Variants in CALN1 observed in about 807,000 individuals in gnomAD.
The protein encoded by CALN1 is calneuron 1.
Under a neutral mutation model 30.6 loss-of-function variants are expected in CALN1, and 17 were observed. The ratio of observed to expected loss-of-function variants is 0.56; its 90% CI spans 0.38 to 0.83. The LOEUF (loss-of-function observed/expected upper bound fraction) is 0.83, where lower values mean the gene tolerates loss of function less well. Ranked by LOEUF, CALN1 falls within the 40% of genes least tolerant of loss-of-function variation. CALN1 has a pLI of 0.00. For synonymous variants in CALN1, 156 were observed against 131.4 expected (o/e 1.19, Z -1.28); for missense variants, 291 against 354.9 (o/e 0.82, Z 1.45).
chr7:72,160,281 GT>G (rs34825420), intron 3 of CALN1, among the ~76,000 whole-genome samples: 2,898 of 146,754 alleles, frequency 0.02, 54 homozygotes, highest in African/African-American at 0.056. Flanking sequence ...TTTCTTTTTA[GT>G]TTTTTTTTTT....
intron 5 of CALN1, among the ~76,000 whole-genome samples, chr7:72,000,724 AAAAC>A (rs143379681): frequency 0.042 from 6,400 of 152,202 alleles, 419 homozygotes; most frequent in African/African-American, 0.14. Flanking sequence ...CAGACAGCAC[AAAAC>A]AAACAAACAA....
At chr7:72,166,481 A>G in intron 3 of CALN1, among the ~76,000 whole-genome samples, 1 of 152,156 alleles carries the variant, frequency 6.6e-6, no homozygotes, top group Non-Finnish European at 1.5e-5. Flanking sequence ...ATGAGCCAAC[A>G]CACCAAGGTG....
intron 5 of CALN1, among the ~76,000 whole-genome samples, chr7:71,922,620 A>ATT (rs1262230310): frequency 7.2e-6 from 1 of 139,108 alleles, no homozygotes; most frequent in Non-Finnish European, 1.5e-5. Context: ...CACAGAATAT[A>ATT]TTATATATAA....
intron 5 of CALN1, among the ~76,000 whole-genome samples, chr7:71,887,937 G>A (rs1793010531): frequency 6.6e-6 from 1 of 152,212 alleles, no homozygotes; most frequent in African/African-American, 2.4e-5. Flanking sequence ...TGGAGGGCAT[G>A]ATTCGTTCAA....
chr7:72,371,911 C>T (rs559373744), intron 2 of CALN1, among the ~76,000 whole-genome samples: 24 of 152,234 alleles, frequency 1.6e-4, no homozygotes, highest in Non-Finnish European at 2.6e-4. Context: ...AGCAGCTATT[C>T]GAGAACTCTG....
intron 3 of CALN1, among the ~76,000 whole-genome samples, chr7:72,170,097 C>G (rs1420998473): frequency 2.6e-5 from 4 of 152,210 alleles, no homozygotes; most frequent in African/African-American, 4.8e-5. Context: ...CACCTAGGCT[C>G]AAGCAATCCT....
intron 5 of CALN1, among the ~76,000 whole-genome samples, chr7:71,987,120 C>T (rs1299126926): frequency 8.0e-5 from 12 of 149,680 alleles, no homozygotes; most frequent in East Asian, 5.9e-4. Context: ...AGCGAAGCTT[C>T]GTGTCAAAAA....
intron 4 of CALN1, among the ~76,000 whole-genome samples, chr7:72,067,329 C>A (rs1804091753): frequency 6.6e-6 from 1 of 152,154 alleles, no homozygotes; most frequent in Admixed American, 6.5e-5. Flanking sequence ...GCAGCCTCCA[C>A]CTTCCAGGCT....
intron 5 of CALN1, among the ~76,000 whole-genome samples, chr7:71,888,344 C>A (rs1251631068): frequency 6.6e-6 from 1 of 151,326 alleles, no homozygotes; most frequent in Non-Finnish European, 1.5e-5. Context: ...GACTGCAGAA[C>A]TCTATGAATA....
At chr7:72,004,170 G>C (rs1354342959) in intron 5 of CALN1, among the ~76,000 whole-genome samples, 2 of 152,114 alleles carry the variant, frequency 1.3e-5, no homozygotes, top group Non-Finnish European at 2.9e-5. Context: ...GTGTAGAATT[G>C]GCAGCAGGAC....
chr7:71,961,300 G>A (rs1441546715), intron 5 of CALN1, among the ~76,000 whole-genome samples: 5 of 152,118 alleles, frequency 3.3e-5, no homozygotes, highest in African/African-American at 7.2e-5. Context: ...GAATCAAACC[G>A]AGCTTACATC....
intron 2 of CALN1, among the ~76,000 whole-genome samples, chr7:72,294,033 G>C (rs1798674794): frequency 6.6e-6 from 1 of 152,050 alleles, no homozygotes. Context: ...GGGAGGTGGA[G>C]GCTGTGGTGA....
At chr7:72,349,444 A>G (rs185254836) in intron 2 of CALN1, among the ~76,000 whole-genome samples, 1 of 152,258 alleles carries the variant, frequency 6.6e-6, no homozygotes, top group Admixed American at 6.5e-5. Flanking sequence ...TAAATACAAA[A>G]AATGCACACC....
chr7:72,286,946 G>T (rs1448669192), intron 2 of CALN1, among the ~76,000 whole-genome samples: 1 of 152,120 alleles, frequency 6.6e-6, no homozygotes, highest in Non-Finnish European at 1.5e-5. Flanking sequence ...GAGATATCAA[G>T]ACAAAAAGAA....
At chr7:71,942,103 C>T (rs1796162913) in intron 5 of CALN1, among the ~76,000 whole-genome samples, 1 of 152,082 alleles carries the variant, frequency 6.6e-6, no homozygotes, top group Admixed American at 6.6e-5. Flanking sequence ...GAGGCTGAGG[C>T]AGAAGAATTG....
Position 72,318,877 on chromosome 7 carries a change from A to C in CALN1, c.120-40067T>G, listed in dbSNP as rs113986834. Among the ~76,000 whole-genome samples, 670 of 152,110 alleles carry C rather than the reference A, an allele frequency of 4.4e-3. 4 individuals carry two copies. Among genetic ancestry groups the C allele is most frequent in the African/African-American group, 0.015 (638 of 41,528 alleles). ...ATTAAAAAGTCAAAAGAAAAAAAAA[A>C]AGATGCTGGCAAGGATGTGGAGAAA... On this transcript the variant is annotated intron_variant, in intron 2 of 6. Coordinates refer to ENST00000395275, the MANE Select transcript of CALN1 (RefSeq NM_031468.4).
intron 2 of CALN1, among the ~76,000 whole-genome samples, chr7:72,361,445 A>G (rs1459403856): frequency 1.3e-5 from 2 of 152,178 alleles, no homozygotes; most frequent in African/African-American, 4.8e-5. Context: ...GTTTGAGGCT[A>G]CAGTGAGCTA....
rs78276747 is a variant in CALN1, at chr7:72,073,161, T to C, written c.388+32990A>G. On this transcript the variant is annotated intron_variant, in intron 4 of 6. Coordinates refer to ENST00000395275, the MANE Select transcript of CALN1 (RefSeq NM_031468.4). ...TAAGCCACTCATAAAAAGACAAATA[T>C]TGCATGATTCCATTTATATGAGATA... Among the ~76,000 whole-genome samples the C allele has an allele frequency of 1.6e-3, 251 of 152,244 alleles. 2 individuals carry two copies. Among genetic ancestry groups the C allele is most frequent in the African/African-American group, 5.8e-3 (243 of 41,554 alleles).
intron 5 of CALN1, among the ~76,000 whole-genome samples, chr7:71,854,036 C>T (rs1790798061): frequency 6.6e-6 from 1 of 152,040 alleles, no homozygotes; most frequent in Non-Finnish European, 1.5e-5. Flanking sequence ...CTATGATCAG[C>T]CTAAATTAAT....
Sources: gnomAD v4.1 joint callset for allele counts (sites outside exome capture counted in the v4.1 genomes callset) on GRCh38, gnomAD v4.1.1 for gene constraint, MANE v1.5 for transcripts, NCBI Gene and HGNC (gene_info 2026-07-23, HGNC 2026-07-21) for gene names.